TWSG1: variants seen among roughly 807,000 people sequenced by gnomAD.
The protein encoded by TWSG1 is twisted gastrulation BMP signaling modulator 1, also known as twisted gastrulation protein homolog 1.
In TWSG1, 15 loss-of-function variants were observed where a neutral mutation model predicts 23.0. The ratio of observed to expected loss-of-function variants is 0.65; its 90% confidence interval spans 0.44 to 1.00. The LOEUF is 1.00. Ranked by LOEUF, TWSG1 falls within the 50% of genes least tolerant of loss-of-function variation. TWSG1 has a pLI of 0.00. For synonymous variants in TWSG1, 86 were observed against 92.8 expected, an observed-to-expected ratio of 0.93 and a Z score of 0.42; for missense variants, 242 against 278.7, an observed-to-expected ratio of 0.87 and a Z score of 0.94.
At chr18:9,386,840 C>T (rs761972939) in intron 3 of TWSG1, among the ~76,000 whole-genome samples, 24 of 152,220 alleles carry the variant, frequency 1.6e-4, no homozygotes, top group Non-Finnish European at 3.1e-4. Flanking sequence ...TCAGACTTCT[C>T]ATCAGTATCA....
chr18:9,344,372 T>C (rs1434808648), intron 2 of TWSG1, among the ~76,000 whole-genome samples: 2 of 152,162 alleles, frequency 1.3e-5, no homozygotes, highest in African/African-American at 4.8e-5. Flanking sequence ...CTAGTTTCCC[T>C]ATAGCCTCAC....
chr18:9,394,754 A>ACACACACACATGCATGCATG (rs1376749041), intron 3 of TWSG1, among the ~76,000 whole-genome samples: 10 of 152,238 alleles, frequency 6.6e-5, no homozygotes, highest in African/African-American at 2.4e-4. Flanking sequence ...CTCCCTACAG[A>ACACACACACATGCATGCATG]CACACACACA....
chr18:9,342,011 G>A (rs1382723190), intron 2 of TWSG1, among the ~76,000 whole-genome samples: 3 of 152,030 alleles, frequency 2.0e-5, no homozygotes, highest in African/African-American at 7.2e-5. Flanking sequence ...TCTACTTTTG[G>A]CATTCTGATG....
intron 2 of TWSG1, among the ~76,000 whole-genome samples, chr18:9,348,982 G>A (rs996024320): frequency 6.6e-6 from 1 of 152,036 alleles, no homozygotes; most frequent in African/African-American, 2.4e-5. Context: ...AGTCATTCCT[G>A]CCACTCCTAC....
chr18:9,365,069 C>A (rs919463504), intron 3 of TWSG1, among the ~76,000 whole-genome samples: 2 of 152,138 alleles, frequency 1.3e-5, no homozygotes, highest in African/African-American at 4.8e-5. Context: ...TCCTGTAATT[C>A]CAGCACGTTG....
Position 9,400,315 on chromosome 18 carries a change from G to T in TWSG1, c.*788G>T, listed in dbSNP as rs114716083. The T allele has an allele frequency of 3.1e-4, 47 of 152,082 alleles. No individual in the cohort carries two copies. Among genetic ancestry groups the T allele is most frequent in the African/African-American group, 1.1e-3 (46 of 41,496 alleles). 9.4% of individuals were successfully genotyped at this position (152,082 alleles called of 1,614,324 possible). The stretch of plus-strand genomic sequence containing the variant: ...AATAATTAGCAAGCAAAGCGTTTCT[G>T]TGACTTCAGGTACCAGCTTAAAGAG... On this transcript the variant is annotated 3_prime_UTR_variant, in exon 5 of 5. Coordinates refer to ENST00000262120, the MANE Select transcript of TWSG1 (RefSeq NM_020648.6).
intron 3 of TWSG1, among the ~76,000 whole-genome samples, chr18:9,362,428 G>A (rs376529533): frequency 6.6e-6 from 1 of 152,040 alleles, no homozygotes; most frequent in African/African-American, 2.4e-5. Flanking sequence ...GGCTGGTCTC[G>A]AACTCCTGGG....
chr18:9,360,187 TATA>T, intron 3 of TWSG1, 116 bp downstream of exon 3: 1 of 707,102 alleles, frequency 1.4e-6, no homozygotes, highest in South Asian at 1.9e-5. Context: ...GTGTGTGAAA[TATA>T]GTAAACATAC....
intron 3 of TWSG1, among the ~76,000 whole-genome samples, chr18:9,386,335 C>T (rs1358095436): frequency 2.6e-5 from 4 of 151,162 alleles, no homozygotes; most frequent in African/African-American, 9.7e-5. Context: ...TAGTGGGCAT[C>T]TGTAATCCCA....
intron 3 of TWSG1, among the ~76,000 whole-genome samples, chr18:9,383,183 G>GTTTTTTTTTTTTT (rs1403740714): frequency 1.3e-5 from 1 of 75,336 alleles, no homozygotes; most frequent in African/African-American, 5.2e-5. Context: ...CGAATTACAC[G>GTTTTTTTTTTTTT]TTTTTTTTTT....
chr18:9,355,018 C>G (rs1440620272), intron 2 of TWSG1, among the ~76,000 whole-genome samples: 1 of 151,912 alleles, frequency 6.6e-6, no homozygotes, highest in Non-Finnish European at 1.5e-5. Context: ...TGCAGTGGCC[C>G]CATCTCGGCT....
At position 9,340,094 on chromosome 18, in the gene TWSG1, C is replaced by T. The variant is rs575781185; in HGVS notation, c.123+2742C>T. The stretch of plus-strand genomic sequence containing the variant: ...AGAAAAGATCTAGGGCTGGGCCGGG[C>T]GCGGTGGCTCAAGCCTGTAATCCCA... On this transcript the variant is annotated intron_variant, in intron 2 of 4. Transcript: ENST00000262120. Among the ~76,000 whole-genome samples, 202 of 152,024 alleles carry T rather than the reference C, an allele frequency of 1.3e-3. 3 individuals are homozygous for T. The highest frequency in any genetic ancestry group is 1.9e-3 in the Non-Finnish European group (127 of 67,958).
intron 2 of TWSG1, among the ~76,000 whole-genome samples, chr18:9,337,752 A>G (rs1000478271): frequency 8.5e-5 from 13 of 152,234 alleles, no homozygotes; most frequent in Non-Finnish European, 4.4e-5. Flanking sequence ...GTCCATTGCT[A>G]TGTAACAAAT....
chr18:9,376,605 G>A (rs1297375828), intron 3 of TWSG1, among the ~76,000 whole-genome samples: 2 of 152,126 alleles, frequency 1.3e-5, no homozygotes, highest in African/African-American at 2.4e-5. Flanking sequence ...CCTTTGAGAG[G>A]CTGAGGAGGG....
intron 3 of TWSG1, among the ~76,000 whole-genome samples, chr18:9,374,629 C>G (rs184885583): frequency 2.9e-4 from 44 of 152,318 alleles, no homozygotes; most frequent in Middle Eastern, 3.4e-3. Flanking sequence ...ACTCTACAGT[C>G]TCTTTCAGAA....
At chr18:9,382,770 G>A (rs7359716) in intron 3 of TWSG1, among the ~76,000 whole-genome samples, 11,274 of 146,410 alleles carry the variant, frequency 0.077, 525 homozygotes, top group Admixed American at 0.1. Flanking sequence ...TCATGTGACC[G>A]CACTCCAGCC....
At chr18:9,394,696 C>T (rs1233629021) in intron 3 of TWSG1, among the ~76,000 whole-genome samples, 1 of 151,184 alleles carries the variant, frequency 6.6e-6, no homozygotes, top group Non-Finnish European at 1.5e-5. Flanking sequence ...TGTCAATTTA[C>T]AAAAACATTT....
rs1161364219 is a variant in TWSG1, at chr18:9,399,430, A to G, written c.575A>G (p.Lys192Arg). 1.2e-6 allele frequency: 2 copies of G among 1,614,142 alleles called. No individual in the cohort carries two copies. The highest frequency in any genetic ancestry group is 1.7e-6 in the Non-Finnish European group (2 of 1,180,004). The part of the protein sequence containing the change: ...KISCESMGAS[K>R]YRWFHNACCE... ...TCCTGTGAGTCCATGGGAGCATCCA[A>G]ATATCGCTGGTTTCATAATGCCTGC... Residue 192 changes from lysine (K) to arginine (R), a missense_variant, in exon 5 of 5, where the codon AAA becomes AGA. Coordinates refer to ENST00000262120, the MANE Select transcript of TWSG1 (RefSeq NM_020648.6).
In TWSG1 at chr18:9,397,110, C is replaced by T. The variant is rs117434934; in HGVS notation, c.490+564C>T. ...TGTCAGCATATTGTCAGAATTCCTC[C>T]ATACTCCTGGCAGCAGAGGCTGTAC... On this transcript the variant is annotated intron_variant, in intron 4 of 4. Transcript: ENST00000262120. 4.4e-3 allele frequency: 683 copies of T among 153,696 alleles called. 2 individuals are homozygous for T. Among genetic ancestry groups the T allele is most frequent in the Non-Finnish European group, 7.1e-3 (495 of 69,374 alleles). The allele number at this position is 153,696 out of a possible 1,614,324, so 9.5% of individuals were successfully genotyped here. A position where few individuals can be genotyped will look rare whatever the true frequency, so the allele number is the denominator to read the frequency against.
Sources: gnomAD v4.1 joint callset for allele counts (sites outside exome capture counted in the v4.1 genomes callset) on GRCh38, gnomAD v4.1.1 for gene constraint, MANE v1.5 for transcripts, NCBI Gene and HGNC (gene_info 2026-07-23, HGNC 2026-07-21) for gene names.